Variants in ARHGAP15 observed in about 807,000 individuals in gnomAD.
ARHGAP15 encodes the protein rho GTPase-activating protein 15.
Under a neutral mutation model 63.7 loss-of-function variants are expected in ARHGAP15, and 51 were observed. That is an observed-to-expected ratio of 0.80 (90% CI 0.64 to 1.01). The LOEUF (loss-of-function observed/expected upper bound fraction) is 1.01. Among genes scored for constraint, ARHGAP15 ranks in the 50% least tolerant of loss-of-function variants. The pLI, the probability that ARHGAP15 is intolerant of heterozygous loss-of-function variation, is 0.00. For missense variants in ARHGAP15, 560 were observed against 564.6 expected, an observed-to-expected ratio of 0.99 and a Z score of 0.08; for synonymous variants, 191 against 193.8, an observed-to-expected ratio of 0.99 and a Z score of 0.12.
chr2:143,676,587 AAG>A, intron 12 of ARHGAP15: 1 of 152,302 alleles, frequency 6.6e-6, no homozygotes, highest in Non-Finnish European at 1.5e-5. Flanking sequence ...GAGGCCTGAG[AAG>A]AGAGAGAGAC....
At chr2:143,342,538 T>C (rs1042177404) in intron 6 of ARHGAP15, among the ~76,000 whole-genome samples, 2 of 152,072 alleles carry the variant, frequency 1.3e-5, no homozygotes, top group Non-Finnish European at 2.9e-5. Context: ...TCAGTGTTAT[T>C]GTATAAGTAA....
intron 9 of ARHGAP15, among the ~76,000 whole-genome samples, chr2:143,499,063 T>G (rs1324220419): frequency 6.6e-6 from 1 of 152,166 alleles, no homozygotes; most frequent in Non-Finnish European, 1.5e-5. Flanking sequence ...TCAAATTTGC[T>G]TTTTTGCCAG....
chr2:143,714,299 G>C (rs939240675), intron 13 of ARHGAP15, among the ~76,000 whole-genome samples: 2 of 152,178 alleles, frequency 1.3e-5, no homozygotes, highest in Non-Finnish European at 2.9e-5. Context: ...TTTCAGCCAT[G>C]GCTGGAGTGG....
At chr2:143,283,197 C>T (rs1171070881) in intron 6 of ARHGAP15, among the ~76,000 whole-genome samples, 2 of 152,090 alleles carry the variant, frequency 1.3e-5, no homozygotes, top group Admixed American at 1.3e-4. Flanking sequence ...TGCCAGGACC[C>T]GTGAAACTTC....
intron 12 of ARHGAP15, among the ~76,000 whole-genome samples, chr2:143,649,165 A>C (rs745870286): frequency 6.6e-6 from 1 of 150,502 alleles, no homozygotes; most frequent in Non-Finnish European, 1.5e-5. Context: ...ATTTTCTTCT[A>C]TCATTCATCA....
chr2:143,722,906 A>G (rs964869730), intron 13 of ARHGAP15, among the ~76,000 whole-genome samples: 2 of 152,248 alleles, frequency 1.3e-5, no homozygotes, highest in Non-Finnish European at 2.9e-5. Context: ...CTCAGGCTAT[A>G]GGAAACCAAG....
At chr2:143,487,210 C>T (rs896488821) in intron 8 of ARHGAP15, among the ~76,000 whole-genome samples, 163 bp from the exon 9 acceptor site, 6 of 152,206 alleles carry the variant, frequency 3.9e-5, no homozygotes, top group African/African-American at 7.2e-5. Context: ...CTAATACTTT[C>T]ATGTGGGCAA....
At chr2:143,397,316 A>ATGTATGTGTGTGTG (rs143187201) in intron 6 of ARHGAP15, among the ~76,000 whole-genome samples, 3 of 147,732 alleles carry the variant, frequency 2.0e-5, no homozygotes, top group Admixed American at 1.3e-4. Flanking sequence ...TGAGATATGT[A>ATGTATGTGTGTGTG]TGTGTGTGTG....
chr2:143,450,382 C>G (rs949704063), intron 8 of ARHGAP15, among the ~76,000 whole-genome samples: 2 of 151,758 alleles, frequency 1.3e-5, no homozygotes, highest in African/African-American at 4.8e-5. Context: ...CTCACTTAAT[C>G]TTTACAATTA....
chr2:143,536,886 C>T (rs976111798), intron 10 of ARHGAP15, among the ~76,000 whole-genome samples: 2 of 152,106 alleles, frequency 1.3e-5, no homozygotes, highest in Admixed American at 1.3e-4. Context: ...TGGGTATATA[C>T]CCAGTAATGA....
chr2:143,635,513 CTA>C (rs1296413838), intron 12 of ARHGAP15, among the ~76,000 whole-genome samples: 2 of 152,082 alleles, frequency 1.3e-5, no homozygotes, highest in African/African-American at 4.8e-5. Context: ...GCTTCTAGGA[CTA>C]TCATAAGCAC....
At chr2:143,377,160 G>A (rs1225485994) in intron 6 of ARHGAP15, among the ~76,000 whole-genome samples, 1 of 151,846 alleles carries the variant, frequency 6.6e-6, no homozygotes, top group Non-Finnish European at 1.5e-5. Context: ...GGGTAAAATT[G>A]TAATCCTATA....
At chr2:143,377,121 A>C (rs1686848075) in intron 6 of ARHGAP15, among the ~76,000 whole-genome samples, 1 of 152,064 alleles carries the variant, frequency 6.6e-6, no homozygotes, top group East Asian at 1.9e-4. Context: ...TTTCAATGAC[A>C]GGCTAATAAA....
In ARHGAP15 at chr2:143,606,068, A is replaced by AAAAAC. The variant is rs1559076928; in HGVS notation, c.1004-18063_1004-18062insAACAA. ...AAAAAAAAAAAAAAAAAAAAAAAAA[A>AAAAAC]AAGCCATACATCTGTCTCTTTCGCT... On this transcript the variant is annotated intron_variant, in intron 11 of 13. Coordinates refer to ENST00000295095, the MANE Select transcript of ARHGAP15 (RefSeq NM_018460.4). 6.8e-5 allele frequency among the ~76,000 whole-genome samples: 3 copies of AAAAAC among 44,084 alleles called. 1 individual carries two copies. 28.9% of individuals were successfully genotyped at this position (44,084 alleles called of 152,430 possible). A position where few individuals can be genotyped will look rare whatever the true frequency, so the allele number is the denominator to read the frequency against.
intron 7 of ARHGAP15, among the ~76,000 whole-genome samples, chr2:143,436,345 G>T (rs970573195): frequency 6.6e-6 from 1 of 152,150 alleles, no homozygotes; most frequent in Non-Finnish European, 1.5e-5. Flanking sequence ...AATAGTAAAA[G>T]ATTTTCTGTG....
chr2:143,353,269 A>G (rs1685656829), intron 6 of ARHGAP15, among the ~76,000 whole-genome samples: 1 of 152,148 alleles, frequency 6.6e-6, no homozygotes, highest in African/African-American at 2.4e-5. Flanking sequence ...CAGCCTGGAC[A>G]ACAATGTGAG....
chr2:143,478,430 G>A (rs1015601396), intron 8 of ARHGAP15, among the ~76,000 whole-genome samples: 4 of 152,296 alleles, frequency 2.6e-5, no homozygotes, highest in African/African-American at 7.2e-5. Context: ...TGAGGCAAGG[G>A]GGTGGGGGAC....
At chr2:143,528,337 T>A (rs1057395326) in intron 10 of ARHGAP15, among the ~76,000 whole-genome samples, 13 of 152,056 alleles carry the variant, frequency 8.5e-5, no homozygotes, top group African/African-American at 2.7e-4. Context: ...GTTAGTGCTG[T>A]TTTGTATTAG....
At chr2:143,603,722 G>A (rs1457398504) in intron 11 of ARHGAP15, among the ~76,000 whole-genome samples, 1 of 152,108 alleles carries the variant, frequency 6.6e-6, no homozygotes, top group Non-Finnish European at 1.5e-5. Flanking sequence ...AACTTCCAGC[G>A]GCAGCTCTTA....
Sources: allele counts gnomAD v4.1 joint callset (sites outside exome capture counted in the v4.1 genomes callset), GRCh38; gene constraint gnomAD v4.1.1; transcripts MANE v1.5; gene names NCBI Gene and HGNC (gene_info 2026-07-23, HGNC 2026-07-21).